The following TGM5 variants were observed in gnomAD, a reference collection of about 807,000 sequenced individuals.
TGM5 encodes transglutaminase 5.
Under a neutral mutation model 77.2 loss-of-function variants are expected in TGM5, and 69 were observed. That is an observed-to-expected ratio of 0.89 (90% CI 0.74 to 1.09). The LOEUF (loss-of-function observed/expected upper bound fraction) is 1.09, where lower values mean the gene tolerates loss of function less well. TGM5 is among the 50% of genes least tolerant of loss of function. The pLI, the probability that TGM5 is intolerant of heterozygous loss-of-function variation, is 0.00. For synonymous variants in TGM5, 346 were observed against 351.8 expected, an observed-to-expected ratio of 0.98 and a Z score of 0.18; for missense variants, 842 against 896.5, an observed-to-expected ratio of 0.94 and a Z score of 0.78.
chr15:43,244,488 T>A (rs758175613), intron 6 of TGM5, among the ~76,000 whole-genome samples: 1 of 152,228 alleles, frequency 6.6e-6, no homozygotes, highest in Non-Finnish European at 1.5e-5. Flanking sequence ...TCTGTGCTTA[T>A]GGACATGCAT....
In TGM5 at chr15:43,266,844, G is replaced by A. The variant is rs760875089; in HGVS notation, c.6C>T (p.Ala2=). 6.2e-6 allele frequency: 10 copies of A among 1,614,086 alleles called. No homozygotes were observed. The East Asian group carries it at 2.2e-4, about 36-fold the overall frequency. The change falls in exon 1 of 13, where the codon GCC becomes GCT. Residue 2 remains alanine, a synonymous_variant. Coordinates refer to ENST00000220420, the MANE Select transcript of TGM5 (RefSeq NM_201631.4). Reference sequence around the variant, plus strand: ...GGCCACAGGGGCTTTCCCTACCTTGGGCCATGGTAGCTGCCTCCGGTTCCT... The same window carrying A: ...GGCCACAGGGGCTTTCCCTACCTTGAGCCATGGTAGCTGCCTCCGGTTCCT... M[A]QGLEVALTDL...
intron 1 of TGM5, among the ~76,000 whole-genome samples, chr15:43,262,992 C>CA (rs1032575041): frequency 1.6e-4 from 24 of 152,166 alleles, no homozygotes; most frequent in Non-Finnish European, 2.6e-4. Flanking sequence ...AGGAACCCGC[C>CA]AAAAAATATA....
intron 3 of TGM5, among the ~76,000 whole-genome samples, chr15:43,257,841 A>G (rs1388990221): frequency 1.3e-5 from 2 of 152,234 alleles, no homozygotes; most frequent in Non-Finnish European, 2.9e-5. Context: ...ATGTCCATCA[A>G]TGATAGACTG....
chr15:43,238,799 G>T lies in TGM5; in HGVS notation c.1345+18C>A. 6.2e-7 allele frequency: 1 copy of T among 1,613,266 alleles called. No individual in the cohort carries two copies. The highest frequency in any genetic ancestry group is 8.5e-7 in the Non-Finnish European group (1 of 1,179,724). On this transcript the variant is annotated intron_variant, in intron 9 of 12. Coordinates refer to ENST00000220420, the MANE Select transcript of TGM5 (RefSeq NM_201631.4). ...CTGCAGGGCTGGGGCTCTGAGTAGG[G>T]CTGGCTTGCTTACTTACCTTCTTCA...
intron 6 of TGM5, among the ~76,000 whole-genome samples, chr15:43,247,158 C>CAAAA (rs763763932): frequency 1.9e-5 from 1 of 53,662 alleles, no homozygotes; most frequent in African/African-American, 6.3e-5. Flanking sequence ...GACTCTGTCT[C>CAAAA]AAAAAAAAAA....
chr15:43,241,948 C>CT (rs2042640289), intron 6 of TGM5, among the ~76,000 whole-genome samples: 2 of 152,126 alleles, frequency 1.3e-5, no homozygotes, highest in South Asian at 4.1e-4. Flanking sequence ...CCTCTGTGCT[C>CT]TTTTAAGTAC....
intron 3 of TGM5, among the ~76,000 whole-genome samples, chr15:43,258,042 C>T (rs550258030): frequency 6.6e-6 from 1 of 152,050 alleles, no homozygotes; most frequent in Admixed American, 6.6e-5. Flanking sequence ...AACACTTGGA[C>T]ACAGGGTGGG....
Position 43,260,577 on chromosome 15 carries a change from G to C in TGM5, c.13C>G (p.Leu5Val). The change falls in exon 2 of 13, where the codon CTA (leucine) becomes GTA (valine). Residue 5 changes from leucine to valine, a missense_variant and splice_region_variant. By Grantham distance (32) the Leu-to-Val change is conservative. This residue lies in a region of TGM5 where 815 missense variants were observed against 844.6 expected (regional missense o/e 0.96). Coordinates refer to ENST00000220420, the MANE Select transcript of TGM5 (RefSeq NM_201631.4). The stretch of plus-strand genomic sequence containing the variant: ...TGGAGGTCTGTGAGGGCCACTTCTA[G>C]CCCTGCAATGGGGCAGCCAGGGTTA... MAQG[L>V]EVALTDLQSS... 1 of 1,614,132 alleles carries C rather than the reference G, an allele frequency of 6.2e-7. No homozygotes were observed.
In TGM5 at chr15:43,232,665, T is replaced by G. The variant is rs889730933; in HGVS notation, c.*526A>C. On this transcript the variant is annotated 3_prime_UTR_variant, in exon 13 of 13. Transcript: ENST00000220420. ...CAACAACAAAACAACAGTGAGCTGT[T>G]CAGCCTGTCTTTTTCTTTCCTGGAT... The G allele has an allele frequency of 1.2e-5, 2 of 165,834 alleles. No homozygotes were observed. The highest frequency in any genetic ancestry group is 4.8e-5 in the African/African-American group (2 of 41,570). 10.3% of individuals were successfully genotyped at this position (165,834 alleles called of 1,614,324 possible). A position where few individuals can be genotyped will look rare whatever the true frequency, so the allele number is the denominator to read the frequency against.
rs553029131 is a variant in TGM5 at position 43,257,058 on chromosome 15, TCTG to T, written c.437-375_437-373del. Reference sequence around the variant, plus strand: ...GATTGATTCCATATTCTGTGCTTTTTCTGCTATACTAATCTTGGTTGGAAAAGA... The same window carrying T: ...GATTGATTCCATATTCTGTGCTTTTTCTATACTAATCTTGGTTGGAAAAGA... On this transcript the variant is annotated intron_variant, in intron 3 of 12. Transcript: ENST00000220420. Among the ~76,000 whole-genome samples the T allele has an allele frequency of 1.4e-3, 208 of 152,362 alleles. 3 individuals carry two copies. In the South Asian group the frequency reaches 0.04, roughly 30 times the overall value.
At chr15:43,248,592 C>G (rs905236733) in intron 6 of TGM5, among the ~76,000 whole-genome samples, 3 of 152,208 alleles carry the variant, frequency 2.0e-5, no homozygotes, top group African/African-American at 7.2e-5. Flanking sequence ...AGACATCTTT[C>G]TATCTACTCT....
chr15:43,235,190 C>A (rs1033320610), intron 10 of TGM5, among the ~76,000 whole-genome samples: 1 of 151,406 alleles, frequency 6.6e-6, no homozygotes, highest in Non-Finnish European at 1.5e-5. Context: ...TCTGCAAAAC[C>A]AGCTACTTTT....
intron 1 of TGM5, among the ~76,000 whole-genome samples, chr15:43,261,072 G>GTTTTTTTT (rs1566837432): frequency 5.6e-5 from 3 of 53,870 alleles, no homozygotes; most frequent in African/African-American, 1.7e-4. Flanking sequence ...TTTTTTGTGT[G>GTTTTTTTT]TGTGTTTTTT....
intron 6 of TGM5, chr15:43,247,662 C>T (rs1365185119): frequency 6.6e-6 from 1 of 151,534 alleles, no homozygotes; most frequent in African/African-American, 2.4e-5. Context: ...AGTGGAACTT[C>T]TAAAGATGAA....
intron 6 of TGM5, among the ~76,000 whole-genome samples, chr15:43,248,010 A>T (rs2142368534): frequency 6.6e-6 from 1 of 152,228 alleles, no homozygotes; most frequent in South Asian, 2.1e-4. Flanking sequence ...TAATTTTAAT[A>T]AGAAGGGCCT....
chr15:43,260,212 C>T lies in TGM5; in HGVS notation c.276G>A (p.Leu92=). The T allele has an allele frequency of 1.2e-6, 2 of 1,613,974 alleles. No individual in the cohort carries two copies. The highest frequency in any genetic ancestry group is 1.7e-6 in the Non-Finnish European group (2 of 1,180,022). Residue 92 remains leucine, a synonymous_variant, in exon 3 of 13, where the codon CTG becomes CTA. Transcript: ENST00000220420. ...CTGTGGAGGTGGCCCCATTGGTCTC[C>T]AGCCAGGCAATCCAGGGGCTGGGGC... ...HHSPSPWIAW[L]ETNGATSTEV... is the part of the protein sequence containing the mutation.
At chr15:43,250,613 G>A (rs2042697386) in intron 6 of TGM5, among the ~76,000 whole-genome samples, 3 of 152,294 alleles carry the variant, frequency 2.0e-5, no homozygotes, top group Non-Finnish European at 4.4e-5. Flanking sequence ...ACTGTTTGAG[G>A]TTAAGGAGTT....
At chr15:43,261,066 TTG>T (rs869266811) in intron 1 of TGM5, among the ~76,000 whole-genome samples, 29,124 of 70,480 alleles carry the variant, frequency 0.41, 6,915 homozygotes, top group East Asian at 0.56. Flanking sequence ...CTTCCTTTTT[TTG>T]TGTGTGTGTT....
At chr15:43,236,009 C>A (rs567303209) in intron 9 of TGM5, among the ~76,000 whole-genome samples, 172 bp from the exon 10 acceptor site, 1 of 152,344 alleles carries the variant, frequency 6.6e-6, no homozygotes, top group African/African-American at 2.4e-5. Flanking sequence ...CTGCTGGCCA[C>A]TTCACACCCT....
Sources: gnomAD v4.1 joint callset for allele counts (sites outside exome capture counted in the v4.1 genomes callset) on GRCh38, gnomAD v4.1.1 for gene constraint, gnomAD v4.1.1 regional missense constraint, MANE v1.5 for transcripts, NCBI Gene and HGNC (gene_info 2026-07-23, HGNC 2026-07-21) for gene names.